CRYM: variants seen among roughly 807,000 people sequenced by gnomAD.
CRYM encodes the protein crystallin mu.
Under a neutral mutation model 32.9 loss-of-function variants are expected in CRYM, and 18 were observed. That is an observed-to-expected ratio of 0.55 (90% CI 0.38 to 0.81). CRYM has a LOEUF of 0.81. Ranked by LOEUF, CRYM falls within the 30% of genes least tolerant of loss-of-function variation. The probability of loss-of-function intolerance (pLI) is 0.00; values close to 1 mark genes in which losing one functional copy is unlikely to be tolerated. For missense variants in CRYM, 337 were observed against 393.5 expected (o/e 0.86, Z 1.21); for synonymous variants, 153 against 152.4 (o/e 1.00, Z -0.03).
At chr16:21,280,635 A>G (rs779517040), upstream of CRYM, among the ~76,000 whole-genome samples, 6 of 152,188 alleles carry the variant, frequency 3.9e-5, no homozygotes, top group Non-Finnish European at 7.4e-5. Flanking sequence ...ATAACAAATT[A>G]TAAACAGGAT....
chr16:21,273,203 A>G (rs1441618251), intron 3 of CRYM, among the ~76,000 whole-genome samples: 1 of 152,190 alleles, frequency 6.6e-6, no homozygotes, highest in Non-Finnish European at 1.5e-5. Flanking sequence ...CAAGCACAAA[A>G]AATGTATTAT....
chr16:21,258,628 A>G lies in CRYM; in HGVS notation c.*153T>C. 5.5e-6 allele frequency: 4 copies of G among 728,286 alleles called. No individual in the cohort carries two copies. The South Asian group carries it at 6.2e-5, about 11-fold the overall frequency. The allele number at this position is 728,286 out of a possible 1,614,324, so 45.1% of individuals were successfully genotyped here. A position where few individuals can be genotyped will look rare whatever the true frequency, so the allele number is the denominator to read the frequency against. Reference sequence around the variant, plus strand: ...CTACCTAGCTTTGCTTTCCAACTACAAACATAAATGAGGATCTCAGCATTT... The same window carrying G: ...CTACCTAGCTTTGCTTTCCAACTACGAACATAAATGAGGATCTCAGCATTT... On this transcript the variant is annotated 3_prime_UTR_variant, in exon 8 of 8. Transcript: ENST00000572914.
In CRYM at chr16:21,278,273, C is replaced by A. The variant is rs1173872562; in HGVS notation, c.-22G>T. On this transcript the variant is annotated 5_prime_UTR_variant, in exon 1 of 8. Coordinates refer to ENST00000572914, the MANE Select transcript of CRYM (RefSeq NM_001376256.1). ...TCATCTCGCCACCTGTGCCTTCTAA[C>A]CTCAGTCTCCGCACCGCGATCCACG... The A allele has an allele frequency of 6.3e-7, 1 of 1,575,614 alleles. No homozygotes were observed. The highest frequency in any genetic ancestry group is 1.2e-5 in the South Asian group (1 of 86,596).
intron 1 of CRYM, among the ~76,000 whole-genome samples, chr16:21,293,473 T>A (rs1960714768): frequency 1.3e-5 from 2 of 152,018 alleles, no homozygotes; most frequent in South Asian, 4.2e-4. Flanking sequence ...CTGAAAAAAA[T>A]CTCTGAGAAC....
chr16:21,267,269 T>C (rs1459180978), intron 5 of CRYM, among the ~76,000 whole-genome samples: 3 of 152,010 alleles, frequency 2.0e-5, no homozygotes, highest in Non-Finnish European at 2.9e-5. Context: ...GGCTAACTTT[T>C]GTATTTTTAG....
Position 21,294,893 on chromosome 16 carries a change from C to T in CRYM, c.-193+8085G>A, listed in dbSNP as rs184677185. On this transcript the variant is annotated intron_variant, in intron 1 of 9. Coordinates refer to the CRYM transcript ENST00000219599. Reference sequence around the variant, plus strand: ...TGTATTTTTAGTAGAGACAGGGTTTCACCATGTTGGCCAGGATGGTCTCGA... The same window carrying T: ...TGTATTTTTAGTAGAGACAGGGTTTTACCATGTTGGCCAGGATGGTCTCGA... Among the ~76,000 whole-genome samples the T allele has an allele frequency of 5.6e-3, 852 of 152,068 alleles. 7 individuals are homozygous for T. The highest frequency in any genetic ancestry group is 0.019 in the African/African-American group (783 of 41,448).
chr16:21,286,220 ATTT>A (rs35658566), intron 1 of CRYM, among the ~76,000 whole-genome samples: 1 of 145,462 alleles, frequency 6.9e-6, no homozygotes, highest in Admixed American at 6.9e-5. Context: ...TAAAGACAGA[ATTT>A]TTTTTTTTTT....
In CRYM at chr16:21,269,116, C is replaced by G. The variant is rs536446112; in HGVS notation, c.489+674G>C. 4.1e-5 allele frequency among the ~76,000 whole-genome samples: 6 copies of G among 147,484 alleles called. No individual in the cohort carries two copies. The South Asian group carries it at 1.3e-3, about 32-fold the overall frequency. On this transcript the variant is annotated intron_variant, in intron 4 of 7. Coordinates refer to ENST00000572914, the MANE Select transcript of CRYM (RefSeq NM_001376256.1). ...CCGAGATTATGCCACTGCACTCCAG[C>G]CTGGGCGACAGCGCGAGACTCCATT...
intron 1 of CRYM, among the ~76,000 whole-genome samples, chr16:21,295,212 T>C (rs1166409936): frequency 6.6e-6 from 1 of 152,184 alleles, no homozygotes. Flanking sequence ...TCAAATGGCA[T>C]TTCTGGTTCT....
chr16:21,301,638 C>T (rs987974187), intron 1 of CRYM, among the ~76,000 whole-genome samples: 5 of 152,200 alleles, frequency 3.3e-5, no homozygotes, highest in African/African-American at 4.8e-5. Context: ...TTCTTGCGTG[C>T]TCCCCTCGAG....
chr16:21,290,301 C>T (rs1312071864), intron 1 of CRYM, among the ~76,000 whole-genome samples: 1 of 152,064 alleles, frequency 6.6e-6, no homozygotes, highest in African/African-American at 2.4e-5. Flanking sequence ...TCAGTGAGAC[C>T]ACGAACCCAC....
chr16:21,280,879 C>T (rs951242606), upstream of CRYM, among the ~76,000 whole-genome samples: 5 of 151,994 alleles, frequency 3.3e-5, no homozygotes, highest in African/African-American at 9.7e-5. Context: ...CCAAGGCGGG[C>T]GGATCATGTG....
intron 1 of CRYM, among the ~76,000 whole-genome samples, chr16:21,295,541 T>A (rs1041624604): frequency 1.2e-4 from 18 of 152,202 alleles, no homozygotes; most frequent in Admixed American, 3.9e-4. Context: ...GTTCTTTTTA[T>A]GTCAGTTTTG....
intron 5 of CRYM, among the ~76,000 whole-genome samples, chr16:21,265,279 T>A (rs1023873479): frequency 2.6e-5 from 4 of 152,288 alleles, no homozygotes; most frequent in Admixed American, 2.0e-4. Context: ...AAACACGCCA[T>A]GTTCGCTTCC....
At chr16:21,285,779 G>A (rs1360402802) in intron 1 of CRYM, among the ~76,000 whole-genome samples, 1 of 152,142 alleles carries the variant, frequency 6.6e-6, no homozygotes, top group South Asian at 2.1e-4. Context: ...CTTCAAATTT[G>A]CCCACAAAGG....
chr16:21,276,361 G>A (rs1020883002), intron 2 of CRYM, among the ~76,000 whole-genome samples: 9 of 152,190 alleles, frequency 5.9e-5, no homozygotes, highest in South Asian at 2.1e-4. Flanking sequence ...ATGCCATCTC[G>A]GTTGGATGAG....
rs781092596 is a variant in CRYM at position 21,262,017 on chromosome 16, TG to T, written c.795+19del. On this transcript the variant is annotated intron_variant, in intron 6 of 7. Coordinates refer to ENST00000572914, the MANE Select transcript of CRYM (RefSeq NM_001376256.1). The stretch of plus-strand genomic sequence containing the variant: ...AGGCCAGCCAGGTGGCAGCCCTGAC[TG>T]GGGTCAGAAGGGCCTCACCCCTGAC... 2 of 1,613,468 alleles carry T rather than the reference TG, an allele frequency of 1.2e-6. No homozygotes were observed. The highest frequency in any genetic ancestry group is 8.5e-7 in the Non-Finnish European group (1 of 1,179,716).
chr16:21,265,292 A>T (rs2152861701), intron 5 of CRYM, among the ~76,000 whole-genome samples: 1 of 152,034 alleles, frequency 6.6e-6, no homozygotes, highest in African/African-American at 2.4e-5. Context: ...TCGCTTCCAC[A>T]CTCAAGGCCT....
chr16:21,271,726 C>G (rs940577983), intron 3 of CRYM, among the ~76,000 whole-genome samples: 3 of 152,178 alleles, frequency 2.0e-5, no homozygotes, highest in African/African-American at 7.2e-5. Flanking sequence ...CTTGAAAGTA[C>G]AGGTGAGCTT....
Sources: gnomAD v4.1 joint callset for allele counts (sites outside exome capture counted in the v4.1 genomes callset) on GRCh38, gnomAD v4.1.1 for gene constraint, MANE v1.5 for transcripts, NCBI Gene and HGNC (gene_info 2026-07-23, HGNC 2026-07-21) for gene names.